KAT2B: variants seen among roughly 807,000 people sequenced by gnomAD.
The protein encoded by KAT2B is lysine acetyltransferase 2B.
Under a neutral mutation model 105.9 loss-of-function variants are expected in KAT2B, and 36 were observed. That is an observed-to-expected ratio of 0.34 (90% CI 0.26 to 0.45). KAT2B has a LOEUF of 0.45. Among genes scored for constraint, KAT2B ranks in the 20% least tolerant of loss-of-function variants. KAT2B has a pLI of 1.00. For missense variants in KAT2B, 820 were observed against 1,021.6 expected (o/e 0.80, Z 2.69); for synonymous variants, 397 against 377.9 (o/e 1.05, Z -0.59).
chr3:20,107,326 T>G (rs1427936260), intron 5 of KAT2B, among the ~76,000 whole-genome samples: 1 of 149,048 alleles, frequency 6.7e-6, no homozygotes, highest in African/African-American at 2.4e-5. Context: ...CCACCAGACC[T>G]GGCCAATAAT....
intron 10 of KAT2B, 59 bp from the exon 11 acceptor site, chr3:20,127,364 A>G (rs1699424529): frequency 6.7e-7 from 1 of 1,499,486 alleles, no homozygotes; most frequent in Admixed American, 1.8e-5. Context: ...GGAACACCCC[A>G]AAAAGTATAT....
chr3:20,081,821 A>G (rs1698524006), intron 2 of KAT2B, among the ~76,000 whole-genome samples: 1 of 150,070 alleles, frequency 6.7e-6, no homozygotes, highest in Non-Finnish European at 1.5e-5. Flanking sequence ...TATCCCATAA[A>G]TCCTTTCCCT....
intron 2 of KAT2B, among the ~76,000 whole-genome samples, chr3:20,077,711 G>T (rs4407416): frequency 1.3e-5 from 2 of 151,950 alleles, no homozygotes; most frequent in African/African-American, 4.8e-5. Context: ...GAATTGTGCT[G>T]GTTTAGAATA....
intron 2 of KAT2B, among the ~76,000 whole-genome samples, chr3:20,075,907 C>CA (rs34270654): frequency 0.46 from 60,607 of 132,776 alleles, 13,278 homozygotes; most frequent in South Asian, 0.58. Flanking sequence ...ACTCCCATCT[C>CA]AAAAAAAAAA....
intron 2 of KAT2B, among the ~76,000 whole-genome samples, chr3:20,089,738 A>G (rs1698682121): frequency 6.6e-6 from 1 of 152,124 alleles, no homozygotes; most frequent in East Asian, 1.9e-4. Flanking sequence ...TGCAGTGTAC[A>G]TATCTTTCAT....
intron 7 of KAT2B, among the ~76,000 whole-genome samples, chr3:20,117,620 G>A (rs763234716): frequency 1.3e-5 from 2 of 152,170 alleles, no homozygotes; most frequent in African/African-American, 2.4e-5. Flanking sequence ...CTATGGGTTG[G>A]TATCTCTCTT....
intron 1 of KAT2B, 117 bp downstream of exon 1, chr3:20,040,897 G>A (rs1697705042): frequency 2.4e-6 from 3 of 1,268,876 alleles, no homozygotes; most frequent in Admixed American, 3.4e-5. Context: ...CCTCCCGCCT[G>A]GGGCCGCTGC....
At chr3:20,090,002 AC>A (rs964171719) in intron 2 of KAT2B, among the ~76,000 whole-genome samples, 1 of 148,282 alleles carries the variant, frequency 6.7e-6, no homozygotes, top group Non-Finnish European at 1.5e-5. Context: ...AAACAAAAAA[AC>A]AAAACAAGAA....
chr3:20,148,698 C>T, intron 17 of KAT2B: 1 of 467,632 alleles, frequency 2.1e-6, no homozygotes, highest in Non-Finnish European at 3.8e-6. Flanking sequence ...CGTTTAGAGC[C>T]CACATGAGCT....
chr3:20,117,263 C>T (rs768732961), intron 7 of KAT2B, among the ~76,000 whole-genome samples: 2 of 152,084 alleles, frequency 1.3e-5, no homozygotes, highest in African/African-American at 2.4e-5. Flanking sequence ...GTTAAGTTGG[C>T]GTGTACACTT....
intron 2 of KAT2B, among the ~76,000 whole-genome samples, chr3:20,093,861 A>G (rs1442047181): frequency 6.6e-6 from 1 of 152,196 alleles, no homozygotes; most frequent in Non-Finnish European, 1.5e-5. Context: ...AATAAAAGAC[A>G]TGATTCCAGC....
intron 5 of KAT2B, 48 bp downstream of exon 5, chr3:20,101,516 A>C: frequency 1.3e-6 from 2 of 1,544,974 alleles, no homozygotes; most frequent in South Asian, 1.1e-5. Flanking sequence ...AGCCTGTTAC[A>C]GACCTAAAAT....
chr3:20,146,423 T>A lies in KAT2B; in HGVS notation c.2112T>A (p.Pro704=). ...GVRQIPIESI[P]GIRETGWKPS... is the part of the protein sequence containing the mutation. Reference sequence around the variant, plus strand: ...GACAGATTCCTATAGAAAGCATTCCTGGAATTAGTACGTATAGACCTTCTT... The same window carrying A: ...GACAGATTCCTATAGAAAGCATTCCAGGAATTAGTACGTATAGACCTTCTT... The change falls in exon 14 of 18, where the codon CCT becomes CCA. Residue 704 remains proline, a synonymous_variant. Coordinates refer to ENST00000263754, the MANE Select transcript of KAT2B (RefSeq NM_003884.5). 2 of 1,593,582 alleles carry A rather than the reference T, an allele frequency of 1.3e-6. No homozygotes were observed. Among genetic ancestry groups the A allele is most frequent in the Non-Finnish European group, 1.7e-6 (2 of 1,161,488 alleles).
chr3:20,122,163 A>G (rs55783650), intron 8 of KAT2B, among the ~76,000 whole-genome samples: 54,136 of 152,016 alleles, frequency 0.36, 10,291 homozygotes, highest in Non-Finnish European at 0.43. Flanking sequence ...TGATATCCAT[A>G]CAACATGATC....
chr3:20,142,766 C>T (rs1699715158), intron 13 of KAT2B, among the ~76,000 whole-genome samples: 7 of 140,102 alleles, frequency 5.0e-5, no homozygotes, highest in Admixed American at 4.8e-4. Context: ...GCTCAGAGTC[C>T]AATGGAAACA....
chr3:20,062,465 T>TAC (rs1698154761), intron 1 of KAT2B, among the ~76,000 whole-genome samples: 1 of 77,478 alleles, frequency 1.3e-5, no homozygotes, highest in Non-Finnish European at 2.6e-5. Flanking sequence ...TATTTTATTT[T>TAC]ATATATATAT....
Position 20,040,634 on chromosome 3 carries a change from G to T in KAT2B, c.157G>T (p.Gly53Cys). The change falls in exon 1 of 18, where the codon GGT becomes TGT. Residue 53 changes from glycine to cysteine, a missense_variant. Around this residue, in one of 6 missense-constraint regions of KAT2B, gnomAD observed 190 missense variants for 176.7 expected, o/e 1.08. Coordinates refer to ENST00000263754, the MANE Select transcript of KAT2B (RefSeq NM_003884.5). ...AAAAGGSGAC[G>C]PATAVAAAGT... ...TGCCGCCGGGGGCTCGGGCGCCTGC[G>T]GTCCGGCGACGGCAGTGGCTGCAGC... 2 of 1,379,808 alleles carry T rather than the reference G, an allele frequency of 1.4e-6. No homozygotes were observed. Among genetic ancestry groups the T allele is most frequent in the South Asian group, 1.6e-5 (1 of 60,988 alleles). 85.5% of individuals were successfully genotyped at this position (1,379,808 alleles called of 1,614,324 possible).
intron 9 of KAT2B, among the ~76,000 whole-genome samples, chr3:20,123,556 T>G (rs369178259): frequency 1.4e-4 from 22 of 152,360 alleles, no homozygotes; most frequent in African/African-American, 5.3e-4. Flanking sequence ...ATCTGGCTTT[T>G]CACTGAAAAG....
In KAT2B at chr3:20,056,566, G is replaced by T. The variant is rs970275646; in HGVS notation, c.304-15767G>T. 3.9e-5 allele frequency among the ~76,000 whole-genome samples: 6 copies of T among 152,170 alleles called. 1 individual carries two copies. Among genetic ancestry groups the T allele is most frequent in the Admixed American group, 3.9e-4 (6 of 15,280 alleles). On this transcript the variant is annotated intron_variant, in intron 1 of 17. Coordinates refer to ENST00000263754, the MANE Select transcript of KAT2B (RefSeq NM_003884.5). ...CAGTTACTGTTACAATTAAAACAAT[G>T]CTAAATAATAATTATTGTTTTTAAT...
Sources: allele counts gnomAD v4.1 joint callset (sites outside exome capture counted in the v4.1 genomes callset), GRCh38; gene constraint gnomAD v4.1.1; regional missense constraint gnomAD v4.1.1; transcripts MANE v1.5; gene names NCBI Gene and HGNC (gene_info 2026-07-23, HGNC 2026-07-21).